SOX5: variants seen among roughly 807,000 people sequenced by gnomAD.
The protein encoded by SOX5 is transcription factor SOX-5.
A neutral mutation model predicts 92.0 loss-of-function variants in SOX5; 9 were observed. That is an observed-to-expected ratio of 0.10 (90% CI 0.06 to 0.17). The LOEUF is 0.17. Among genes scored for constraint, SOX5 ranks in the 10% least tolerant of loss-of-function variants. The probability of loss-of-function intolerance (pLI) is 1.00; values close to 1 mark genes in which losing one functional copy is unlikely to be tolerated. For missense variants in SOX5, 642 were observed against 944.5 expected, an observed-to-expected ratio of 0.68 and a Z score of 4.20; for synonymous variants, 344 against 336.3, an observed-to-expected ratio of 1.02 and a Z score of -0.25.
At chr12:23,869,314 C>CAACATACCT (rs2096848401) in intron 2 of SOX5, among the ~76,000 whole-genome samples, 1 of 152,152 alleles carries the variant, frequency 6.6e-6, no homozygotes, top group African/African-American at 2.4e-5. Flanking sequence ...ATAATTTTCA[C>CAACATACCT]AACATACCTA....
intron 2 of SOX5, among the ~76,000 whole-genome samples, chr12:24,283,975 T>C (rs1019279360): frequency 1.3e-5 from 2 of 152,186 alleles, no homozygotes; most frequent in Non-Finnish European, 2.9e-5. Flanking sequence ...GTAGAAGTCA[T>C]GTAAATGGAA....
At chr12:23,631,017 C>T (rs1263681346) in intron 8 of SOX5, among the ~76,000 whole-genome samples, 2 of 151,896 alleles carry the variant, frequency 1.3e-5, no homozygotes, top group African/African-American at 4.8e-5. Flanking sequence ...AATTAAGACT[C>T]CACCCTATGT....
chr12:23,733,627 T>G (rs544780369), intron 6 of SOX5, among the ~76,000 whole-genome samples: 1 of 152,212 alleles, frequency 6.6e-6, no homozygotes, highest in Admixed American at 6.5e-5. Context: ...CAAAATTAGG[T>G]GCGCCTGACT....
At chr12:23,659,969 AAAAAG>A (rs2082822581) in intron 7 of SOX5, among the ~76,000 whole-genome samples, 2 of 152,218 alleles carry the variant, frequency 1.3e-5, no homozygotes, top group South Asian at 4.1e-4. Context: ...AAAAAATGAA[AAAAAG>A]AAAAGAAAAA....
intron 2 of SOX5, among the ~76,000 whole-genome samples, chr12:24,359,239 C>G (rs746488372): frequency 6.6e-6 from 1 of 152,160 alleles, no homozygotes; most frequent in Non-Finnish European, 1.5e-5. Flanking sequence ...AAAACTATAT[C>G]ACATTATCCC....
chr12:24,232,628 T>G (rs1206186349), intron 3 of SOX5, among the ~76,000 whole-genome samples: 1 of 152,154 alleles, frequency 6.6e-6, no homozygotes, highest in Non-Finnish European at 1.5e-5. Flanking sequence ...TGACTTGATA[T>G]GAGTCAAACC....
chr12:23,913,910 TGG>T (rs2097381885), intron 1 of SOX5, among the ~76,000 whole-genome samples: 1 of 152,160 alleles, frequency 6.6e-6, no homozygotes, highest in South Asian at 2.1e-4. Context: ...AAAGATAATA[TGG>T]GTTATTTTAT....
At chr12:24,054,360 C>T (rs1009923686) in intron 4 of SOX5, among the ~76,000 whole-genome samples, 4 of 152,164 alleles carry the variant, frequency 2.6e-5, no homozygotes, top group African/African-American at 9.7e-5. Flanking sequence ...TTCTACTTAT[C>T]ACTAAAGATC....
At chr12:24,011,750 C>A (rs942757237) in intron 4 of SOX5, among the ~76,000 whole-genome samples, 1 of 152,052 alleles carries the variant, frequency 6.6e-6, no homozygotes, top group African/African-American at 2.4e-5. Context: ...AGTAATGTAT[C>A]TGAAGTGAAA....
chr12:23,762,243 T>C (rs1379459316), intron 3 of SOX5, among the ~76,000 whole-genome samples: 2 of 151,948 alleles, frequency 1.3e-5, no homozygotes, highest in Non-Finnish European at 2.9e-5. Context: ...CTAGGAAATA[T>C]CAAAAAATAA....
chr12:23,736,158 T>TA (rs200769598), intron 5 of SOX5, among the ~76,000 whole-genome samples: 3,647 of 142,352 alleles, frequency 0.026, 105 homozygotes, highest in African/African-American at 0.075. Flanking sequence ...ACATTTTTAT[T>TA]AAAAAAAAAA....
chr12:24,363,093 AC>A (rs2136193028), intron 2 of SOX5, among the ~76,000 whole-genome samples: 1 of 151,970 alleles, frequency 6.6e-6, no homozygotes, highest in Non-Finnish European at 1.5e-5. Context: ...AGAGCTACTA[AC>A]TTTATCCTTA....
chr12:23,875,825 T>C (rs7316117), intron 2 of SOX5, among the ~76,000 whole-genome samples: 1 of 152,076 alleles, frequency 6.6e-6, no homozygotes, highest in Non-Finnish European at 1.5e-5. Context: ...AGATTTCCCC[T>C]TCAGGCAGTG....
intron 2 of SOX5, among the ~76,000 whole-genome samples, chr12:24,351,215 T>C (rs750341329): frequency 6.6e-6 from 1 of 152,208 alleles, no homozygotes; most frequent in Non-Finnish European, 1.5e-5. Flanking sequence ...TTGTAGAGTA[T>C]CTAGATTAAA....
intron 2 of SOX5, among the ~76,000 whole-genome samples, chr12:23,866,115 A>C (rs2136591681): frequency 6.6e-6 from 1 of 152,346 alleles, no homozygotes; most frequent in East Asian, 1.9e-4. Context: ...ATAACAACAA[A>C]GTATTTAGAA....
chr12:24,118,320 C>A (rs2138277389), intron 4 of SOX5, among the ~76,000 whole-genome samples: 1 of 152,164 alleles, frequency 6.6e-6, no homozygotes, highest in Admixed American at 6.5e-5. Flanking sequence ...AGTATTTGTA[C>A]TATCTACTAT....
At chr12:23,771,414 A>G (rs1309891904) in intron 3 of SOX5, among the ~76,000 whole-genome samples, 1 of 152,168 alleles carries the variant, frequency 6.6e-6, no homozygotes, top group East Asian at 1.9e-4. Context: ...CCTGGCTCCA[A>G]TGTTAGGCCC....
At chr12:24,536,989 A>C (rs923638676) in intron 1 of SOX5, among the ~76,000 whole-genome samples, 2 of 152,148 alleles carry the variant, frequency 1.3e-5, no homozygotes, top group Non-Finnish European at 2.9e-5. Flanking sequence ...TTAGCTTTTC[A>C]TTCTTCCGTG....
intron 8 of SOX5, among the ~76,000 whole-genome samples, chr12:23,622,062 C>T (rs1219303918): frequency 4.6e-5 from 7 of 152,024 alleles, no homozygotes; most frequent in South Asian, 2.1e-4. Context: ...CTTGGTGTAT[C>T]GAGACATGCC....
Sources: allele counts gnomAD v4.1 joint callset (sites outside exome capture counted in the v4.1 genomes callset), GRCh38; gene constraint gnomAD v4.1.1; transcripts MANE v1.5; gene names NCBI Gene and HGNC (gene_info 2026-07-23, HGNC 2026-07-21).